The following CSMD3 variants were observed in gnomAD, a reference collection of about 807,000 sequenced individuals.
The protein encoded by CSMD3 is CUB and Sushi multiple domains 3, also known as CUB and sushi domain-containing protein 3.
CSMD3 carries 177 observed loss-of-function variants against 435.2 expected under a neutral mutation model. The observed-to-expected ratio is 0.41, with a 90% CI of 0.36 to 0.46. CSMD3 has a LOEUF of 0.46. Ranked by LOEUF, CSMD3 falls within the 20% of genes least tolerant of loss-of-function variation. The pLI is 0.34. For synonymous variants in CSMD3, 1,656 were observed against 1,520.5 expected (o/e 1.09, Z -2.07); for missense variants, 4,265 against 4,504.6 (o/e 0.95, Z 1.52).
chr8:112,928,345 C>T (rs545394379), intron 9 of CSMD3, among the ~76,000 whole-genome samples: 3 of 152,240 alleles, frequency 2.0e-5, no homozygotes, highest in East Asian at 3.9e-4. Flanking sequence ...TTCAAACCTT[C>T]AAGAGAAAGC....
chr8:112,811,180 C>G (rs1054857362), intron 12 of CSMD3, among the ~76,000 whole-genome samples: 1 of 151,598 alleles, frequency 6.6e-6, no homozygotes, highest in Non-Finnish European at 1.5e-5. Context: ...AGAGTAGAAA[C>G]AGCAATACAC....
chr8:113,419,197 C>T (rs1330969416), intron 1 of CSMD3, among the ~76,000 whole-genome samples: 1 of 149,966 alleles, frequency 6.7e-6, no homozygotes, highest in Non-Finnish European at 1.5e-5. Context: ...TGGCTCACTG[C>T]AAACTCCGCC....
At chr8:112,328,150 A>G (rs901472993) in intron 45 of CSMD3, among the ~76,000 whole-genome samples, 3 of 152,206 alleles carry the variant, frequency 2.0e-5, no homozygotes, top group Non-Finnish European at 4.4e-5. Flanking sequence ...AGTGTACTTC[A>G]GTGCTCATCC....
At chr8:113,211,437 A>C (rs569199448) in intron 3 of CSMD3, among the ~76,000 whole-genome samples, 1 of 152,240 alleles carries the variant, frequency 6.6e-6, no homozygotes, top group East Asian at 1.9e-4. Context: ...ATGTAAATGA[A>C]CAAGCTATAT....
intron 32 of CSMD3, among the ~76,000 whole-genome samples, chr8:112,469,370 T>C (rs940683680): frequency 1.3e-5 from 2 of 152,154 alleles, no homozygotes; most frequent in Admixed American, 1.3e-4. Flanking sequence ...ATGTGTAATG[T>C]TGGTTATATG....
At chr8:113,255,541 C>T (rs1024248048) in intron 3 of CSMD3, among the ~76,000 whole-genome samples, 1 of 151,876 alleles carries the variant, frequency 6.6e-6, no homozygotes, top group Non-Finnish European at 1.5e-5. Flanking sequence ...TGAAATGTTG[C>T]AACTCTGAGT....
At chr8:113,251,614 T>C (rs1029144368) in intron 3 of CSMD3, among the ~76,000 whole-genome samples, 2 of 152,034 alleles carry the variant, frequency 1.3e-5, no homozygotes, top group African/African-American at 4.8e-5. Context: ...AAAAATCCAT[T>C]ATCTAAATAC....
intron 27 of CSMD3, among the ~76,000 whole-genome samples, chr8:112,545,498 A>AAAAT (rs1563685111): frequency 3.5e-5 from 5 of 141,204 alleles, no homozygotes; most frequent in African/African-American, 1.3e-4. Flanking sequence ...AAAAAAAAAA[A>AAAAT]AAAAATAATA....
chr8:112,888,185 C>A (rs1330354990), intron 10 of CSMD3, among the ~76,000 whole-genome samples: 1 of 151,564 alleles, frequency 6.6e-6, no homozygotes, highest in African/African-American at 2.4e-5. Context: ...GGATTATGGC[C>A]ATACACAGAA....
intron 22 of CSMD3, among the ~76,000 whole-genome samples, chr8:112,591,097 C>A (rs1831151850): frequency 6.6e-6 from 1 of 152,008 alleles, no homozygotes; most frequent in Non-Finnish European, 1.5e-5. Flanking sequence ...ACTTAGTGCT[C>A]TTTTTAGCAT....
At chr8:112,854,055 C>T (rs2080575659) in intron 11 of CSMD3, among the ~76,000 whole-genome samples, 1 of 152,066 alleles carries the variant, frequency 6.6e-6, no homozygotes. Context: ...ACTTTTCTTT[C>T]TGGATGAAAA....
chr8:112,717,016 T>C (rs1168824336), intron 13 of CSMD3, among the ~76,000 whole-genome samples: 2 of 152,034 alleles, frequency 1.3e-5, no homozygotes, highest in Non-Finnish European at 2.9e-5. Context: ...TGGGTAAAGA[T>C]TTCATGATGA....
At chr8:112,441,878 T>C (rs889278935) in intron 32 of CSMD3, among the ~76,000 whole-genome samples, 1 of 152,188 alleles carries the variant, frequency 6.6e-6, no homozygotes, top group African/African-American at 2.4e-5. Flanking sequence ...ACAATTCAGA[T>C]TACAATTCAA....
At chr8:113,376,695 C>T (rs1011628149) in intron 1 of CSMD3, 3 of 1,612,760 alleles carry the variant, frequency 1.9e-6, no homozygotes, top group African/African-American at 1.3e-5. Context: ...GCCACAAGGA[C>T]CGAAAGGTTC....
chr8:113,414,627 CA>C (rs1168023840), intron 1 of CSMD3, among the ~76,000 whole-genome samples: 1 of 136,530 alleles, frequency 7.3e-6, no homozygotes, highest in Non-Finnish European at 1.5e-5. Flanking sequence ...TAGATATGAG[CA>C]CATTTTCAAA....
chr8:113,126,168 A>G (rs1452730264), intron 4 of CSMD3, among the ~76,000 whole-genome samples: 4 of 151,984 alleles, frequency 2.6e-5, no homozygotes, highest in Non-Finnish European at 5.9e-5. Context: ...AAACAACTCT[A>G]TGAAATCTAG....
intron 11 of CSMD3, among the ~76,000 whole-genome samples, chr8:112,855,098 CATA>C (rs1234409378): frequency 6.6e-6 from 1 of 152,224 alleles, no homozygotes; most frequent in African/African-American, 2.4e-5. Flanking sequence ...ATGTTGAAAT[CATA>C]ATATCTGTGG....
intron 13 of CSMD3, among the ~76,000 whole-genome samples, chr8:112,701,298 G>GGATTGC (rs2076383940): frequency 6.6e-6 from 1 of 152,004 alleles, no homozygotes; most frequent in African/African-American, 2.4e-5. Flanking sequence ...TTTGAAAAGG[G>GGATTGC]GATTGCTGAA....
At chr8:112,520,292 A>G (rs1824136121) in intron 27 of CSMD3, among the ~76,000 whole-genome samples, 1 of 152,070 alleles carries the variant, frequency 6.6e-6, no homozygotes, top group Admixed American at 6.6e-5. Flanking sequence ...AAGCTAAAAC[A>G]CAGAATCCTT....
Sources: gnomAD v4.1 joint callset for allele counts (sites outside exome capture counted in the v4.1 genomes callset) on GRCh38, gnomAD v4.1.1 for gene constraint, MANE v1.5 for transcripts, NCBI Gene and HGNC (gene_info 2026-07-23, HGNC 2026-07-21) for gene names.